The following GALNT13 variants were observed in gnomAD, a reference collection of about 807,000 sequenced individuals.
The protein encoded by GALNT13 is UDP-GalNAc:polypeptide N-acetylgalactosaminyltransferase 13.
GALNT13 carries 28 observed loss-of-function variants against 64.2 expected under a neutral mutation model. The ratio of observed to expected loss-of-function variants is 0.44; its 90% CI spans 0.32 to 0.60. GALNT13 has a LOEUF of 0.60. Ranked by LOEUF, GALNT13 falls within the 20% of genes least tolerant of loss-of-function variation. The pLI is 0.05. For missense variants in GALNT13, 577 were observed against 669.8 expected (o/e 0.86, Z 1.53); for synonymous variants, 214 against 224.6 (o/e 0.95, Z 0.42).
chr2:154,344,321 T>C (rs548283072), intron 9 of GALNT13, among the ~76,000 whole-genome samples: 73 of 96,584 alleles, frequency 7.6e-4, no homozygotes, highest in African/African-American at 1.8e-3. Context: ...TATGTTGTTG[T>C]TCTGTCATCC....
chr2:153,617,675 C>A, the GALNT13 span, among the ~76,000 whole-genome samples: 1 of 151,690 alleles, frequency 6.6e-6, no homozygotes, highest in South Asian at 2.1e-4. Context: ...AATAAAACCA[C>A]TGGGTCCCAG....
At chr2:153,512,608 G>A in the GALNT13 span, among the ~76,000 whole-genome samples, 1 of 152,250 alleles carries the variant, frequency 6.6e-6, no homozygotes, top group East Asian at 1.9e-4. Context: ...GAGAATAGCA[G>A]TATCTGTCTC....
At chr2:153,994,898 G>T (rs1286561518) in intron 3 of GALNT13, among the ~76,000 whole-genome samples, 13 of 151,784 alleles carry the variant, frequency 8.6e-5, no homozygotes, top group Non-Finnish European at 4.4e-5. Flanking sequence ...AGTTTCTTTT[G>T]CTGTGCAGAA....
the GALNT13 span, among the ~76,000 whole-genome samples, chr2:153,689,360 A>G: frequency 6.6e-6 from 1 of 151,970 alleles, no homozygotes; most frequent in Non-Finnish European, 1.5e-5. Context: ...CCTTTTACAT[A>G]TTATCTATAT....
intron 8 of GALNT13, among the ~76,000 whole-genome samples, chr2:154,263,970 A>G (rs574279351): frequency 1.7e-4 from 26 of 152,314 alleles, no homozygotes; most frequent in Admixed American, 8.5e-4. Context: ...TGCCTTGTGA[A>G]AGTTTCTAGG....
At chr2:153,258,646 A>G in the GALNT13 span, among the ~76,000 whole-genome samples, 2 of 150,908 alleles carry the variant, frequency 1.3e-5, no homozygotes, top group Non-Finnish European at 2.9e-5. Context: ...AGGATTTAAT[A>G]TGTTTTTTTT....
In GALNT13 at chr2:154,387,650, C is replaced by A. The variant is rs768569886; in HGVS notation, c.1157-8341C>A. On this transcript the variant is annotated intron_variant, in intron 9 of 12. Transcript: ENST00000392825. ...TCTGTGAGTACAACTGTATTAGAATCTACACATAAGTGAGGTCATGTGGTA... is the reference window on the plus strand; with the variant it reads ...TCTGTGAGTACAACTGTATTAGAATATACACATAAGTGAGGTCATGTGGTA... Among the ~76,000 whole-genome samples the A allele has an allele frequency of 8.5e-5, 13 of 152,136 alleles. 1 individual carries two copies. The highest frequency in any genetic ancestry group is 1.6e-4 in the Non-Finnish European group (11 of 67,998).
chr2:153,350,523 C>G, the GALNT13 span, among the ~76,000 whole-genome samples: 1 of 151,798 alleles, frequency 6.6e-6, no homozygotes, highest in African/African-American at 2.4e-5. Flanking sequence ...GCTGGGACTA[C>G]AGGCATCCGC....
chr2:153,490,740 A>T, the GALNT13 span, among the ~76,000 whole-genome samples: 1 of 152,144 alleles, frequency 6.6e-6, no homozygotes, highest in Non-Finnish European at 1.5e-5. Context: ...CAGTCAGATC[A>T]CCTGAGGTCA....
chr2:153,550,917 TA>T, the GALNT13 span, among the ~76,000 whole-genome samples: 4 of 151,950 alleles, frequency 2.6e-5, no homozygotes, highest in African/African-American at 9.7e-5. Context: ...GGAGGGACAA[TA>T]AAAAACTATA....
chr2:153,260,024 C>T, the GALNT13 span, among the ~76,000 whole-genome samples: 1 of 151,910 alleles, frequency 6.6e-6, no homozygotes, highest in African/African-American at 2.4e-5. Flanking sequence ...TAACATATTC[C>T]TTCATTTTAA....
chr2:153,792,740 T>C, the GALNT13 span, among the ~76,000 whole-genome samples: 1 of 152,124 alleles, frequency 6.6e-6, no homozygotes, highest in Non-Finnish European at 1.5e-5. Flanking sequence ...ATAGAAATCC[T>C]CATTTGTATT....
chr2:153,583,244 G>A, the GALNT13 span, among the ~76,000 whole-genome samples: 71 of 152,256 alleles, frequency 4.7e-4, 1 homozygote, highest in African/African-American at 1.7e-3. Context: ...AAGCTGATAG[G>A]CTGAGCAAAA....
chr2:153,553,270 A>T, the GALNT13 span, among the ~76,000 whole-genome samples: 3 of 151,754 alleles, frequency 2.0e-5, no homozygotes, highest in African/African-American at 7.3e-5. Context: ...AGGTTGAGGC[A>T]TGTGGGTTAT....
intron 4 of GALNT13, among the ~76,000 whole-genome samples, chr2:154,194,139 GT>G (rs201969934): frequency 6.6e-6 from 1 of 151,810 alleles, no homozygotes; most frequent in Admixed American, 6.6e-5. Context: ...CTCATCATGT[GT>G]TTTTTTTCTT....
the GALNT13 span, among the ~76,000 whole-genome samples, chr2:153,537,342 C>T: frequency 6.6e-6 from 1 of 152,096 alleles, no homozygotes; most frequent in African/African-American, 2.4e-5. Flanking sequence ...GCTGTGTCAA[C>T]CACCAGGCAA....
chr2:154,350,738 CG>C (rs998247479), intron 9 of GALNT13, among the ~76,000 whole-genome samples: 7 of 151,966 alleles, frequency 4.6e-5, no homozygotes, highest in Non-Finnish European at 8.8e-5. Context: ...TAATGTGTGG[CG>C]GGGGAAGGTA....
chr2:153,274,134 C>T, the GALNT13 span, among the ~76,000 whole-genome samples: 7 of 151,934 alleles, frequency 4.6e-5, no homozygotes, highest in Non-Finnish European at 8.8e-5. Flanking sequence ...ACCTGGGAGG[C>T]GGAGGTGGCA....
the GALNT13 span, among the ~76,000 whole-genome samples, chr2:153,672,733 C>CA: frequency 6.8e-6 from 1 of 146,018 alleles, no homozygotes; most frequent in East Asian, 2.0e-4. Context: ...GATAGAGACA[C>CA]AAAAAACCCT....
Sources: gnomAD v4.1 joint callset for allele counts (sites outside exome capture counted in the v4.1 genomes callset) on GRCh38, gnomAD v4.1.1 for gene constraint, MANE v1.5 for transcripts, NCBI Gene and HGNC (gene_info 2026-07-23, HGNC 2026-07-21) for gene names.